PCDH15: variants seen among roughly 807,000 people sequenced by gnomAD.
The protein encoded by PCDH15 is protocadherin related 15.
Under a neutral mutation model 178.5 loss-of-function variants are expected in PCDH15, and 129 were observed. That is an observed-to-expected ratio of 0.72 (90% CI 0.63 to 0.84). The LOEUF (loss-of-function observed/expected upper bound fraction) is 0.84, where lower values mean the gene tolerates loss of function less well. Among genes scored for constraint, PCDH15 ranks in the 40% least tolerant of loss-of-function variants. The pLI, the probability that PCDH15 is intolerant of heterozygous loss-of-function variation, is 0.00. For synonymous variants in PCDH15, 800 were observed against 732.0 expected (o/e 1.09, Z -1.50); for missense variants, 2,230 against 2,099.9 (o/e 1.06, Z -1.21).
intron 1 of PCDH15, among the ~76,000 whole-genome samples, chr10:55,305,465 T>C (rs1054286049): frequency 4.6e-5 from 7 of 152,200 alleles, no homozygotes; most frequent in Non-Finnish European, 7.3e-5. Flanking sequence ...AGTGAAAGCC[T>C]GTAGCCAGCT....
At chr10:55,058,865 C>T (rs1372711315) in intron 2 of PCDH15, among the ~76,000 whole-genome samples, 4 of 152,136 alleles carry the variant, frequency 2.6e-5, no homozygotes, top group Non-Finnish European at 5.9e-5. Context: ...TTTCACTTAA[C>T]ACTAGTTAGA....
At chr10:55,613,362 T>C (rs1433729967) in intron 2 of PCDH15, among the ~76,000 whole-genome samples, 1 of 152,168 alleles carries the variant, frequency 6.6e-6, no homozygotes, top group South Asian at 2.1e-4. Context: ...CTGGACTCCA[T>C]AGAGGCAGCA....
chr10:55,152,104 T>C (rs11004755), intron 2 of PCDH15, among the ~76,000 whole-genome samples: 2 of 151,822 alleles, frequency 1.3e-5, no homozygotes, highest in Non-Finnish European at 2.9e-5. Flanking sequence ...CTTACAATTA[T>C]AAATATAGAT....
intron 2 of PCDH15, among the ~76,000 whole-genome samples, chr10:55,146,530 TA>T (rs1838517378): frequency 6.6e-6 from 1 of 151,940 alleles, no homozygotes; most frequent in South Asian, 2.1e-4. Flanking sequence ...GTAGCCCCTA[TA>T]CTCAGGTTTC....
At chr10:53,888,664 GATATATATATATATATATATATATAT>G (rs59914675) in intron 26 of PCDH15, among the ~76,000 whole-genome samples, 2 of 17,024 alleles carry the variant, frequency 1.2e-4, no homozygotes, top group African/African-American at 2.0e-4. Flanking sequence ...AGTTAAGTTT[GATATATATATATATATATATATATAT>G]ATATATATAT....
At chr10:54,733,340 T>G (rs1010509911) in intron 1 of PCDH15, among the ~76,000 whole-genome samples, 3 of 151,626 alleles carry the variant, frequency 2.0e-5, no homozygotes, top group Non-Finnish European at 4.4e-5. Flanking sequence ...ATGAACATCT[T>G]TAAGTCAAAA....
chr10:54,519,519 C>T (rs753488332), intron 3 of PCDH15, among the ~76,000 whole-genome samples: 18 of 152,198 alleles, frequency 1.2e-4, no homozygotes, highest in Non-Finnish European at 2.1e-4. Context: ...CGTGAAGGAC[C>T]TCTTCAAGGA....
At chr10:55,185,765 A>G (rs1296212471) in intron 1 of PCDH15, among the ~76,000 whole-genome samples, 1 of 151,736 alleles carries the variant, frequency 6.6e-6, no homozygotes, top group East Asian at 1.9e-4. Context: ...AACATTCAAA[A>G]CAATCACAAA....
chr10:54,752,513 C>CAAAAAAAA (rs1566128338), intron 1 of PCDH15, among the ~76,000 whole-genome samples: 2 of 54,644 alleles, frequency 3.7e-5, no homozygotes, highest in African/African-American at 1.5e-4. Context: ...AAACAAAAAA[C>CAAAAAAAA]AAACAAACAA....
intron 2 of PCDH15, among the ~76,000 whole-genome samples, chr10:54,581,422 AAAT>A (rs1157161692): frequency 2.0e-5 from 3 of 152,156 alleles, no homozygotes; most frequent in Admixed American, 2.0e-4. Context: ...TTGCTGAAAG[AAAT>A]AATAGATGAC....
At chr10:54,265,218 G>A (rs2057594991) in intron 8 of PCDH15, among the ~76,000 whole-genome samples, 1 of 152,082 alleles carries the variant, frequency 6.6e-6, no homozygotes, top group Admixed American at 6.6e-5. Context: ...ATCGGTAAGG[G>A]AATTTATCAC....
intron 2 of PCDH15, among the ~76,000 whole-genome samples, chr10:55,538,127 A>G (rs753119030): frequency 1.3e-5 from 2 of 152,184 alleles, no homozygotes; most frequent in African/African-American, 2.4e-5. Flanking sequence ...TTTTGATATC[A>G]GCCTGCAGGA....
chr10:55,616,699 G>A (rs554445304), intron 2 of PCDH15, among the ~76,000 whole-genome samples: 145 of 152,188 alleles, frequency 9.5e-4, no homozygotes, highest in Middle Eastern at 6.8e-3. Flanking sequence ...ACTGTGCACT[G>A]AGGTGACTTG....
intron 3 of PCDH15, among the ~76,000 whole-genome samples, chr10:54,849,577 C>G (rs1953577465): frequency 1.3e-5 from 2 of 152,126 alleles, no homozygotes; most frequent in Admixed American, 1.3e-4. Context: ...ACTGGCCATC[C>G]ATATAATACT....
chr10:54,979,669 A>T (rs1357752307), intron 2 of PCDH15, among the ~76,000 whole-genome samples: 2 of 37,788 alleles, frequency 5.3e-5, no homozygotes, highest in African/African-American at 2.6e-4. Context: ...ACTGTGTCTC[A>T]AAAAAAAAAA....
chr10:54,916,539 A>C (rs1564627759), intron 2 of PCDH15, among the ~76,000 whole-genome samples: 1 of 152,196 alleles, frequency 6.6e-6, no homozygotes, highest in Non-Finnish European at 1.5e-5. Flanking sequence ...TGTTTAAAAC[A>C]AAACATTTTT....
At chr10:54,549,095 C>A (rs952556614) in intron 2 of PCDH15, among the ~76,000 whole-genome samples, 4 of 151,628 alleles carry the variant, frequency 2.6e-5, no homozygotes, top group Non-Finnish European at 2.9e-5. Context: ...TCTTTAATTT[C>A]TATTTTTCCT....
At chr10:54,555,566 C>T (rs951924920) in intron 2 of PCDH15, among the ~76,000 whole-genome samples, 3 of 117,798 alleles carry the variant, frequency 2.5e-5, no homozygotes, top group Non-Finnish European at 5.6e-5. Flanking sequence ...CCCCTCTCTA[C>T]TAAAAATACA....
intron 3 of PCDH15, among the ~76,000 whole-genome samples, chr10:54,401,086 A>G (rs1380220311): frequency 2.0e-5 from 3 of 151,988 alleles, no homozygotes; most frequent in Admixed American, 1.3e-4. Context: ...ACATTTGTGA[A>G]AAACAGAAAG....
Sources: allele counts gnomAD v4.1 joint callset (sites outside exome capture counted in the v4.1 genomes callset), GRCh38; gene constraint gnomAD v4.1.1; transcripts MANE v1.5; gene names NCBI Gene and HGNC (gene_info 2026-07-23, HGNC 2026-07-21).